FAM120B: variants seen among roughly 807,000 people sequenced by gnomAD.
FAM120B encodes constitutive coactivator of peroxisome proliferator-activated receptor gamma.
Under a neutral mutation model 96.3 loss-of-function variants are expected in FAM120B, and 83 were observed. The ratio of observed to expected loss-of-function variants is 0.86; its 90% CI spans 0.72 to 1.03. The LOEUF (loss-of-function observed/expected upper bound fraction) is 1.03, where lower values mean the gene tolerates loss of function less well. FAM120B is among the 50% of genes least tolerant of loss of function. The pLI is 0.00. For missense variants in FAM120B, 1,027 were observed against 1,121.2 expected (o/e 0.92, Z 1.20); for synonymous variants, 407 against 402.7 (o/e 1.01, Z -0.13).
At chr6:170,349,190 C>A (rs1787416151) in intron 5 of FAM120B, among the ~76,000 whole-genome samples, 1 of 152,144 alleles carries the variant, frequency 6.6e-6, no homozygotes, top group Non-Finnish European at 1.5e-5. Flanking sequence ...TGATTTTTGT[C>A]CCACTGTTGA....
chr6:170,387,701 T>G (rs966348510), intron 6 of FAM120B, among the ~76,000 whole-genome samples: 1 of 152,252 alleles, frequency 6.6e-6, no homozygotes, highest in Non-Finnish European at 1.5e-5. Context: ...GTGAGATACA[T>G]AAGCCATTTT....
At chr6:170,334,053 A>G (rs1212377157) in intron 4 of FAM120B, among the ~76,000 whole-genome samples, 1 of 152,150 alleles carries the variant, frequency 6.6e-6, no homozygotes, top group Non-Finnish European at 1.5e-5. Context: ...AAAGGCAAGC[A>G]TTTGAAATTG....
intron 5 of FAM120B, among the ~76,000 whole-genome samples, chr6:170,350,040 A>G (rs78518661): frequency 0.011 from 1,705 of 152,174 alleles, 69 homozygotes; most frequent in East Asian, 0.1. Flanking sequence ...CCATACCACC[A>G]CAGCCTTGAG....
intron 9 of FAM120B, among the ~76,000 whole-genome samples, chr6:170,403,544 A>AGG (rs1778690326): frequency 6.6e-6 from 1 of 152,082 alleles, no homozygotes; most frequent in South Asian, 2.1e-4. Context: ...GTGGACAGGT[A>AGG]GGGGGTCCTG....
chr6:170,335,578 G>T (rs556977227), intron 4 of FAM120B, among the ~76,000 whole-genome samples: 1 of 152,308 alleles, frequency 6.6e-6, no homozygotes, highest in South Asian at 2.1e-4. Flanking sequence ...CTAGTAATGG[G>T]ATTGCTGGGT....
chr6:170,326,035 T>C (rs1460686878), intron 3 of FAM120B, among the ~76,000 whole-genome samples: 1 of 152,172 alleles, frequency 6.6e-6, no homozygotes, highest in Non-Finnish European at 1.5e-5. Context: ...ATTTTTGCTA[T>C]TGTCGTTTTA....
chr6:170,341,162 C>A (rs1786798457), intron 4 of FAM120B, among the ~76,000 whole-genome samples: 1 of 152,202 alleles, frequency 6.6e-6, no homozygotes, highest in Admixed American at 6.5e-5. Flanking sequence ...TATCTATAAG[C>A]CCCTGACTGG....
chr6:170,366,236 C>T (rs1562571972), intron 6 of FAM120B, among the ~76,000 whole-genome samples: 1 of 152,158 alleles, frequency 6.6e-6, no homozygotes, highest in Non-Finnish European at 1.5e-5. Flanking sequence ...GAAGCAAAGG[C>T]CTCCCCAGTT....
At chr6:170,395,614 T>A in intron 9 of FAM120B, 35 bp downstream of exon 9, 1 of 1,416,284 alleles carries the variant, frequency 7.1e-7, no homozygotes, top group Non-Finnish European at 9.8e-7. Context: ...CTGGGCCACC[T>A]GCATGGCACT....
At position 170,343,202 on chromosome 6, in the gene FAM120B, A is replaced by T. The variant is rs118124319; in HGVS notation, c.2018-4949A>T. ...ATTCCTGGAAACCTGTCAGCTAAGA[A>T]ATAAACCTGTGTATGGCTAGGAGGA... On this transcript the variant is annotated intron_variant, in intron 4 of 10. Transcript: ENST00000476287. Among the ~76,000 whole-genome samples, 1,307 of 152,336 alleles carry T rather than the reference A, an allele frequency of 8.6e-3. 16 individuals carry two copies. The highest frequency in any genetic ancestry group is 0.014 in the Non-Finnish European group (940 of 68,030).
At chr6:170,352,313 C>T (rs1158498542) in intron 5 of FAM120B, among the ~76,000 whole-genome samples, 1 of 152,168 alleles carries the variant, frequency 6.6e-6, no homozygotes, top group Non-Finnish European at 1.5e-5. Flanking sequence ...CACAAAGAGA[C>T]TCCCACACAA....
At position 170,388,437 on chromosome 6, in the gene FAM120B, C is replaced by T; in HGVS notation, c.2434C>T (p.Gln812Ter). Residue 812 changes from glutamine (Q) to a stop codon, truncating the protein, a stop_gained, in exon 7 of 11, where the codon CAG becomes TAG. Transcript: ENST00000476287. LOFTEE classifies it high-confidence loss of function. Reference sequence around the variant, plus strand: ...TGTATTTGACGGGAAGCTTTTTCATCAGAAGTACTTGCAATCTGAAAAGGG... The same window carrying T: ...TGTATTTGACGGGAAGCTTTTTCATTAGAAGTACTTGCAATCTGAAAAGGG... ...WNVFDGKLFH[Q>*]KYLQSEKGYA... The T allele has an allele frequency of 1.9e-6, 3 of 1,614,162 alleles. No homozygotes were observed. Among genetic ancestry groups the T allele is most frequent in the Non-Finnish European group, 2.5e-6 (3 of 1,180,020 alleles).
chr6:170,300,136 G>A (rs995036401), intron 1 of FAM120B, among the ~76,000 whole-genome samples: 1 of 152,198 alleles, frequency 6.6e-6, no homozygotes, highest in Non-Finnish European at 1.5e-5. Flanking sequence ...ACTTGAGACT[G>A]GGTAATTTAT....
intron 3 of FAM120B, among the ~76,000 whole-genome samples, chr6:170,328,057 A>G (rs1785722509): frequency 6.7e-6 from 1 of 150,126 alleles, no homozygotes; most frequent in Non-Finnish European, 1.5e-5. Context: ...CTCAACAATA[A>G]ATTAACCTTA....
rs955584858 is a variant in FAM120B at position 170,320,797 on chromosome 6, A to G, written c.1734+1673A>G. Among the ~76,000 whole-genome samples, 16 of 152,238 alleles carry G rather than the reference A, an allele frequency of 1.1e-4. No individual in the cohort carries two copies. The East Asian group carries it at 3.1e-3, about 29-fold the overall frequency. On this transcript the variant is annotated intron_variant, in intron 2 of 10. Coordinates refer to ENST00000476287, the MANE Select transcript of FAM120B (RefSeq NM_032448.3). ...TTAAGGAACAGTCCACTGAGAGATC[A>G]GGAGTGAGCAGAGGAGGAAGGAGAA...
At chr6:170,371,601 C>T (rs981304287) in intron 6 of FAM120B, among the ~76,000 whole-genome samples, 1 of 152,126 alleles carries the variant, frequency 6.6e-6, no homozygotes, top group Admixed American at 6.5e-5. Context: ...AAAACCTCCA[C>T]CTTAAGATGC....
intron 1 of FAM120B, among the ~76,000 whole-genome samples, chr6:170,308,136 C>T (rs1311084394): frequency 6.6e-6 from 1 of 152,228 alleles, no homozygotes; most frequent in African/African-American, 2.4e-5. Context: ...CTACAGCCTT[C>T]ACACTCTGTG....
intron 6 of FAM120B, among the ~76,000 whole-genome samples, chr6:170,380,325 A>G (rs1473403202): frequency 2.6e-5 from 4 of 152,136 alleles, no homozygotes; most frequent in Admixed American, 6.5e-5. Flanking sequence ...GGGTGCAGGT[A>G]TCTCATCAAC....
Position 170,317,575 on chromosome 6 carries a change from G to T in FAM120B, c.185G>T (p.Gly62Val), listed in dbSNP as rs749070500. The change falls in exon 2 of 11, where the codon GGC becomes GTC. Residue 62 changes from glycine (G) to valine (V), a missense_variant. Coordinates refer to ENST00000476287, the MANE Select transcript of FAM120B (RefSeq NM_032448.3). ...ACTCCAGAATCTTGGATCTGCGGTG[G>T]CCAGTGGCGAGAATACTTTTCTGCT... ...WYTPESWICG[G>V]QWREYFSALR... The T allele has an allele frequency of 2.5e-6, 4 of 1,614,176 alleles. No homozygotes were observed. Among genetic ancestry groups the T allele is most frequent in the Non-Finnish European group, 1.7e-6 (2 of 1,180,034 alleles).
Sources: gnomAD v4.1 joint callset for allele counts (sites outside exome capture counted in the v4.1 genomes callset) on GRCh38, gnomAD v4.1.1 for gene constraint, MANE v1.5 for transcripts, NCBI Gene and HGNC (gene_info 2026-07-23, HGNC 2026-07-21) for gene names.